The following FAAH2 variants were observed in gnomAD, a reference collection of about 807,000 sequenced individuals.
The protein encoded by FAAH2 is fatty-acid amide hydrolase 2.
In FAAH2, 60 loss-of-function variants were observed where a neutral mutation model predicts 36.9. The ratio of observed to expected loss-of-function variants is 1.63; its 90% CI spans 1.32 to 2.02. The LOEUF (loss-of-function observed/expected upper bound fraction) is 2.02. FAAH2 is among the 30% of genes most tolerant of loss of function. The pLI, the probability that FAAH2 is intolerant of heterozygous loss-of-function variation, is 0.00. For synonymous variants in FAAH2, 214 were observed against 143.8 expected, an observed-to-expected ratio of 1.49 and a Z score of -3.49; for missense variants, 689 against 397.5, an observed-to-expected ratio of 1.73 and a Z score of -6.23.
the FAAH2 span, among the ~76,000 whole-genome samples, chrX:57,263,531 C>A: frequency 2.7e-5 from 3 of 111,602 alleles, no homozygotes; most frequent in Non-Finnish European, 5.7e-5. Context: ...AATTAATATA[C>A]AAATTTAACA....
chrX:57,479,416 A>C (rs1426306438), intron 10 of FAAH2, among the ~76,000 whole-genome samples: 4 of 111,678 alleles, frequency 3.6e-5, no homozygotes, highest in African/African-American at 1.3e-4. Context: ...TTCTAGATAT[A>C]CAATCATGTC....
chrX:57,437,340 A>G (rs769766368), intron 8 of FAAH2, among the ~76,000 whole-genome samples: 1 of 110,875 alleles, frequency 9.0e-6, no homozygotes, highest in Non-Finnish European at 1.9e-5. Context: ...GCCCACTTTC[A>G]CCACTCCTAT....
intron 2 of FAAH2, among the ~76,000 whole-genome samples, chrX:57,295,091 C>G: frequency 8.9e-6 from 1 of 111,844 alleles, no homozygotes; most frequent in Admixed American, 9.4e-5. Flanking sequence ...ACCAAGACAT[C>G]TGTGAAGAGG....
At chrX:57,476,613 T>C (rs770730239) in intron 10 of FAAH2, among the ~76,000 whole-genome samples, 36 of 111,425 alleles carry the variant, frequency 3.2e-4, no homozygotes, top group Non-Finnish European at 5.5e-4. Context: ...GATTTTCACA[T>C]TGATGTACAT....
chrX:57,177,948 C>G, the FAAH2 span, among the ~76,000 whole-genome samples: 3 of 110,794 alleles, frequency 2.7e-5, no homozygotes, highest in African/African-American at 9.9e-5. Context: ...CACAGCCTCC[C>G]CATTTCCCCT....
chrX:57,189,178 G>A, the FAAH2 span, among the ~76,000 whole-genome samples: 1 of 110,312 alleles, frequency 9.1e-6, no homozygotes, highest in South Asian at 3.9e-4. Context: ...TGATCAGTTT[G>A]GCTGTTAATA....
At chrX:57,282,346 T>C (rs1248267363), upstream of FAAH2, among the ~76,000 whole-genome samples, 1 of 112,227 alleles carries the variant, frequency 8.9e-6, no homozygotes, top group Non-Finnish European at 1.9e-5. Context: ...TTTTAATGTT[T>C]TTTGGCCACT....
the FAAH2 span, among the ~76,000 whole-genome samples, chrX:57,186,916 G>T: frequency 9.0e-6 from 1 of 111,520 alleles, no homozygotes; most frequent in Admixed American, 9.5e-5. Context: ...TGTTCCATTG[G>T]TGTATATATC....
intron 10 of FAAH2, among the ~76,000 whole-genome samples, chrX:57,470,702 A>G (rs1016537192): frequency 7.2e-5 from 8 of 111,588 alleles, no homozygotes; most frequent in Non-Finnish European, 1.5e-4. Flanking sequence ...TTCTGAAACT[A>G]TTCCAATCGA....
the FAAH2 span, among the ~76,000 whole-genome samples, chrX:57,264,416 C>G: frequency 8.9e-6 from 1 of 112,419 alleles, no homozygotes; most frequent in East Asian, 2.8e-4. Flanking sequence ...ATGCGGCCAA[C>G]AAGCATATTA....
intron 7 of FAAH2, chrX:57,392,848 T>G: frequency 1.4e-6 from 1 of 712,915 alleles, no homozygotes; most frequent in Non-Finnish European, 2.3e-6. Flanking sequence ...GACAAGTGTG[T>G]TTTGGCCATG....
At chrX:57,282,714 G>A (rs1485842319), upstream of FAAH2, among the ~76,000 whole-genome samples, 2 of 112,004 alleles carry the variant, frequency 1.8e-5, no homozygotes, top group East Asian at 5.6e-4. Context: ...AAATTTGGTT[G>A]TAATCCACTA....
At position 57,452,335 on chromosome X, in the gene FAAH2, A is replaced by T. The variant is rs184040493; in HGVS notation, c.1423+3617A>T. 1.2e-5 allele frequency: 9 copies of T among 752,053 alleles called. No individual in the cohort carries two copies. The East Asian group carries it at 1.2e-3, about 101-fold the overall frequency. The allele number at this position is 752,053 out of a possible 1,213,427, so 62.0% of individuals were successfully genotyped here. On this transcript the variant is annotated intron_variant, in intron 10 of 10. Transcript: ENST00000374900. ...AGGTTTGGCAAAATCATAACATGCC[A>T]CTCTCAAGAGTCCCTCTTGTACCCA...
intron 7 of FAAH2, among the ~76,000 whole-genome samples, chrX:57,424,878 C>G (rs960631263): frequency 1.8e-5 from 2 of 111,104 alleles, no homozygotes; most frequent in African/African-American, 6.5e-5. Flanking sequence ...GCAATGGATC[C>G]TAATCAAAAT....
chrX:57,415,146 C>G (rs2055807679), intron 7 of FAAH2, among the ~76,000 whole-genome samples: 1 of 108,656 alleles, frequency 9.2e-6, no homozygotes, highest in Non-Finnish European at 1.9e-5. Flanking sequence ...GGCTAGCAGT[C>G]TATATATTTT....
Position 57,334,712 on chromosome X carries a change from A to T in FAAH2, c.622+2905A>T, listed in dbSNP as rs772427948. Among the ~76,000 whole-genome samples the T allele has an allele frequency of 3.7e-4, 41 of 111,959 alleles. 1 individual carries two copies. The highest frequency in any genetic ancestry group is 3.6e-3 in the Admixed American group (38 of 10,582). On this transcript the variant is annotated intron_variant, in intron 4 of 10. Transcript: ENST00000374900. Reference sequence around the variant, plus strand: ...ATAAAGGAATTGGGAATGTTCCTTTATAAGATAACTACACTACTTGGGAGG... The same window carrying T: ...ATAAAGGAATTGGGAATGTTCCTTTTTAAGATAACTACACTACTTGGGAGG...
intron 7 of FAAH2, among the ~76,000 whole-genome samples, chrX:57,384,433 A>G (rs1443652848): frequency 9.6e-6 from 1 of 104,514 alleles, no homozygotes; most frequent in Non-Finnish European, 2.0e-5. Context: ...CATCTGACAA[A>G]GAGCTAACAT....
the FAAH2 span, among the ~76,000 whole-genome samples, chrX:57,174,450 T>C: frequency 8.9e-6 from 1 of 111,829 alleles, no homozygotes; most frequent in Non-Finnish European, 1.9e-5. Context: ...AATTTTCATT[T>C]CTAGTTGAAT....
chrX:57,306,847 A>G (rs1274379511), intron 2 of FAAH2, among the ~76,000 whole-genome samples: 1 of 92,378 alleles, frequency 1.1e-5, no homozygotes, highest in Non-Finnish European at 2.2e-5. Context: ...TATGTACTAT[A>G]TATGTGTATA....
Sources: gnomAD v4.1 joint callset for allele counts (sites outside exome capture counted in the v4.1 genomes callset) on GRCh38, gnomAD v4.1.1 for gene constraint, MANE v1.5 for transcripts, NCBI Gene and HGNC (gene_info 2026-07-23, HGNC 2026-07-21) for gene names.